BCKDHB: variants seen among roughly 807,000 people sequenced by gnomAD.
BCKDHB encodes 2-oxoisovalerate dehydrogenase subunit beta, mitochondrial.
Under a neutral mutation model 48.5 loss-of-function variants are expected in BCKDHB, and 41 were observed. That is an observed-to-expected ratio of 0.85 (90% CI 0.66 to 1.10). The LOEUF (loss-of-function observed/expected upper bound fraction) is 1.10, where lower values mean the gene tolerates loss of function less well. Among genes scored for constraint, BCKDHB ranks in the 50% least tolerant of loss-of-function variants. The pLI is 0.00. For missense variants in BCKDHB, 496 were observed against 494.2 expected (o/e 1.00, Z -0.03); for synonymous variants, 201 against 174.8 (o/e 1.15, Z -1.18).
chr6:80,412,629 C>G, the BCKDHB span, among the ~76,000 whole-genome samples: 10 of 152,278 alleles, frequency 6.6e-5, no homozygotes, highest in South Asian at 2.1e-3. Context: ...TGTATACCTT[C>G]AAATATTTTT....
chr6:80,115,870 T>C (rs1769672548), intron 1 of BCKDHB, among the ~76,000 whole-genome samples: 1 of 151,402 alleles, frequency 6.6e-6, no homozygotes, highest in South Asian at 2.1e-4. Context: ...TCTCCTGACC[T>C]CATGATCCAC....
chr6:80,124,791 G>T (rs1011602537), intron 1 of BCKDHB, among the ~76,000 whole-genome samples: 1 of 152,088 alleles, frequency 6.6e-6, no homozygotes, highest in Non-Finnish European at 1.5e-5. Flanking sequence ...TCAACAGTGG[G>T]CTTAAAATAT....
At chr6:80,417,436 G>A in the BCKDHB span, among the ~76,000 whole-genome samples, 18 of 152,196 alleles carry the variant, frequency 1.2e-4, no homozygotes, top group African/African-American at 3.8e-4. Context: ...TTGTTTTATA[G>A]TGTCAGTGTG....
At chr6:80,291,341 C>T (rs1766903186) in intron 9 of BCKDHB, among the ~76,000 whole-genome samples, 3 of 152,142 alleles carry the variant, frequency 2.0e-5, no homozygotes, top group South Asian at 2.1e-4. Context: ...GAGAGGAGCT[C>T]AGTCAGAAAT....
the BCKDHB span, among the ~76,000 whole-genome samples, chr6:80,353,652 A>C: frequency 2.0e-5 from 3 of 152,152 alleles, no homozygotes; most frequent in African/African-American, 7.2e-5. Context: ...CAAGAGATCA[A>C]GACCATCCTG....
At chr6:80,299,503 C>T (rs892338521) in intron 9 of BCKDHB, among the ~76,000 whole-genome samples, 1 of 152,048 alleles carries the variant, frequency 6.6e-6, no homozygotes, top group Admixed American at 6.5e-5. Flanking sequence ...TCTTGGATCT[C>T]GTGCAAGAAA....
At chr6:80,157,723 C>T (rs959353068) in intron 3 of BCKDHB, among the ~76,000 whole-genome samples, 22 of 151,850 alleles carry the variant, frequency 1.4e-4, no homozygotes, top group African/African-American at 5.3e-4. Flanking sequence ...AGGTGATCCG[C>T]CCACCTCGGC....
the BCKDHB span, chr6:80,374,141 G>C: frequency 2.8e-6 from 2 of 712,636 alleles, no homozygotes; most frequent in Non-Finnish European, 5.2e-6. Context: ...CAATGTGGCA[G>C]GGAGAGCTCA....
the BCKDHB span, among the ~76,000 whole-genome samples, chr6:80,411,848 A>G: frequency 2.6e-5 from 4 of 152,224 alleles, no homozygotes; most frequent in Non-Finnish European, 1.5e-5. Context: ...GAAGTGTATC[A>G]GTTTTCCAGT....
At chr6:80,271,765 A>C (rs573447794) in intron 8 of BCKDHB, among the ~76,000 whole-genome samples, 2 of 151,714 alleles carry the variant, frequency 1.3e-5, no homozygotes, top group Non-Finnish European at 2.9e-5. Flanking sequence ...GTGAGCCGAC[A>C]TGGTGCCACT....
At chr6:80,238,091 A>T (rs1010331235) in intron 8 of BCKDHB, among the ~76,000 whole-genome samples, 2 of 151,960 alleles carry the variant, frequency 1.3e-5, no homozygotes, top group Non-Finnish European at 2.9e-5. Flanking sequence ...GGAGATTTTA[A>T]TCTTTTTTAA....
chr6:80,228,983 A>C (rs938988983), intron 8 of BCKDHB, among the ~76,000 whole-genome samples: 2 of 152,152 alleles, frequency 1.3e-5, no homozygotes, highest in African/African-American at 4.8e-5. Context: ...TATAGCAAGG[A>C]CTGGCCACTG....
chr6:80,137,903 G>A (rs1018724853), intron 3 of BCKDHB, among the ~76,000 whole-genome samples: 3 of 151,756 alleles, frequency 2.0e-5, no homozygotes, highest in African/African-American at 4.8e-5. Context: ...GGGCAACATA[G>A]CAAGATGACC....
chr6:80,354,081 A>G, the BCKDHB span, among the ~76,000 whole-genome samples: 1 of 152,140 alleles, frequency 6.6e-6, no homozygotes, highest in African/African-American at 2.4e-5. Flanking sequence ...TCTGGATATT[A>G]GTCTCCTCCT....
intron 8 of BCKDHB, among the ~76,000 whole-genome samples, chr6:80,207,475 A>T (rs1398769820): frequency 6.6e-6 from 1 of 151,884 alleles, no homozygotes. Flanking sequence ...ATAAGTATGA[A>T]AAATGGATGG....
chr6:80,177,002 A>C (rs1308395770), intron 6 of BCKDHB, among the ~76,000 whole-genome samples: 1 of 152,108 alleles, frequency 6.6e-6, no homozygotes, highest in Non-Finnish European at 1.5e-5. Context: ...AGGTGGGAGG[A>C]TCGCTTGAGC....
the BCKDHB span, among the ~76,000 whole-genome samples, chr6:80,390,551 A>G: frequency 6.6e-6 from 1 of 152,142 alleles, no homozygotes; most frequent in Non-Finnish European, 1.5e-5. Flanking sequence ...TTCCTTTATC[A>G]TGTGACATAA....
the BCKDHB span, chr6:80,374,529 G>T: frequency 6.9e-6 from 5 of 723,770 alleles, no homozygotes; most frequent in Non-Finnish European, 1.3e-5. Context: ...TGATTTGCAT[G>T]ATTTTGTGGG....
rs191481929 is a variant in BCKDHB at position 80,108,626 on chromosome 6, C to T, written c.196+1737C>T. Among the ~76,000 whole-genome samples, 792 of 150,924 alleles carry T rather than the reference C, an allele frequency of 5.2e-3. 2 individuals carry two copies. The highest frequency in any genetic ancestry group is 0.018 in the African/African-American group (741 of 41,076). On this transcript the variant is annotated intron_variant, in intron 1 of 9. Coordinates refer to ENST00000320393, the MANE Select transcript of BCKDHB (RefSeq NM_183050.4). ...TCTGTAATCCCAGCACTTTGGGAGG[C>T]GGAGGCAGGCGGATCACCAGGTCAA...
Sources: gnomAD v4.1 joint callset for allele counts (sites outside exome capture counted in the v4.1 genomes callset) on GRCh38, gnomAD v4.1.1 for gene constraint, MANE v1.5 for transcripts, NCBI Gene and HGNC (gene_info 2026-07-23, HGNC 2026-07-21) for gene names.